Variants in RAD51B observed in about 807,000 individuals in gnomAD.
The protein encoded by RAD51B is DNA repair protein RAD51 homolog 2.
RAD51B carries 38 observed loss-of-function variants against 42.2 expected under a neutral mutation model. The ratio of observed to expected loss-of-function variants is 0.90; its 90% confidence interval spans 0.70 to 1.18. The LOEUF is 1.18. Among genes scored for constraint, RAD51B ranks in the 50% most tolerant of loss-of-function variants. The probability of loss-of-function intolerance (pLI) is 0.00; values close to 1 mark genes in which losing one functional copy is unlikely to be tolerated. For synonymous variants in RAD51B, 154 were observed against 145.2 expected (o/e 1.06, Z -0.43); for missense variants, 373 against 400.7 (o/e 0.93, Z 0.59).
chr14:68,628,571 C>G (rs2145155), intron 10 of RAD51B: 137,487 of 152,242 alleles, frequency 0.9, 62,300 homozygotes, highest in East Asian at 0.98. Context: ...CGCGGCACAA[C>G]GGCGCATTGT....
intron 9 of RAD51B, among the ~76,000 whole-genome samples, chr14:68,414,123 A>G (rs73276270): frequency 0.063 from 9,550 of 152,208 alleles, 612 homozygotes; most frequent in African/African-American, 0.16. Flanking sequence ...AAGCCGATTA[A>G]CCCAAGAGCT....
At chr14:68,454,426 G>GA (rs35851761) in intron 9 of RAD51B, among the ~76,000 whole-genome samples, 2 of 151,750 alleles carry the variant, frequency 1.3e-5, no homozygotes, top group Admixed American at 6.6e-5. Flanking sequence ...GTTTATTTGA[G>GA]AAAAAAAACA....
At chr14:68,298,367 G>A (rs958539695) in intron 8 of RAD51B, among the ~76,000 whole-genome samples, 8 of 152,198 alleles carry the variant, frequency 5.3e-5, no homozygotes, top group Non-Finnish European at 7.3e-5. Context: ...CCACCAGGAA[G>A]TGCTTCTTGG....
chr14:67,897,752 T>C (rs1227811103), intron 7 of RAD51B, among the ~76,000 whole-genome samples: 1 of 151,826 alleles, frequency 6.6e-6, no homozygotes, highest in Admixed American at 6.6e-5. Flanking sequence ...TGGGTTCAAG[T>C]GATTTTCCTG....
intron 10 of RAD51B, among the ~76,000 whole-genome samples, chr14:68,643,501 G>A (rs1219187200): frequency 6.6e-6 from 1 of 152,172 alleles, no homozygotes. Flanking sequence ...GTGGTGGGGG[G>A]ATAAAGATCC....
At chr14:68,495,599 G>A (rs528861363) in intron 10 of RAD51B, among the ~76,000 whole-genome samples, 6 of 151,610 alleles carry the variant, frequency 4.0e-5, no homozygotes, top group African/African-American at 7.2e-5. Context: ...GCTGCCAAGC[G>A]CGTAGAAGTG....
chr14:68,578,968 T>C (rs1890092668), intron 10 of RAD51B, among the ~76,000 whole-genome samples: 1 of 152,190 alleles, frequency 6.6e-6, no homozygotes, highest in Non-Finnish European at 1.5e-5. Flanking sequence ...GCCTTACCCA[T>C]CCACCCTTAG....
intron 7 of RAD51B, among the ~76,000 whole-genome samples, chr14:68,287,752 G>A (rs1327406148): frequency 6.6e-6 from 1 of 152,198 alleles, no homozygotes; most frequent in Non-Finnish European, 1.5e-5. Context: ...AATCAGGCAT[G>A]GGTTTTATAG....
chr14:68,553,805 G>C (rs942308215), intron 10 of RAD51B, among the ~76,000 whole-genome samples: 1 of 152,136 alleles, frequency 6.6e-6, no homozygotes, highest in Non-Finnish European at 1.5e-5. Context: ...GGGCTGGTGA[G>C]AGCCTCATGA....
intron 8 of RAD51B, among the ~76,000 whole-genome samples, chr14:68,313,954 G>A (rs901566983): frequency 1.3e-5 from 2 of 152,140 alleles, no homozygotes; most frequent in African/African-American, 4.8e-5. Flanking sequence ...GCCTCTGATT[G>A]CCATAGCCTC....
chr14:68,577,219 G>C (rs967422439), intron 10 of RAD51B, among the ~76,000 whole-genome samples: 1 of 152,156 alleles, frequency 6.6e-6, no homozygotes, highest in African/African-American at 2.4e-5. Flanking sequence ...ACATGGGTCC[G>C]GGAGAGAGTT....
intron 3 of RAD51B, among the ~76,000 whole-genome samples, chr14:67,826,937 C>T (rs904915761): frequency 6.6e-6 from 1 of 152,272 alleles, no homozygotes; most frequent in Middle Eastern, 3.4e-3. Flanking sequence ...CCCGCCTCGG[C>T]CTCCCCAAGT....
intron 10 of RAD51B, chr14:68,470,480 T>G (rs1168500876): frequency 4.1e-6 from 2 of 483,470 alleles, no homozygotes; most frequent in African/African-American, 2.0e-5. Context: ...ACCTTCAGCT[T>G]TGGTATGATC....
intron 7 of RAD51B, among the ~76,000 whole-genome samples, chr14:67,891,688 TTATGCC>T (rs2043224425): frequency 6.6e-6 from 1 of 152,066 alleles, no homozygotes; most frequent in African/African-American, 2.4e-5. Context: ...AGCTGTTCCA[TTATGCC>T]AAGTGGGTTT....
chr14:68,240,072 G>A (rs992348604), intron 7 of RAD51B, among the ~76,000 whole-genome samples: 3 of 152,302 alleles, frequency 2.0e-5, no homozygotes, highest in Non-Finnish European at 4.4e-5. Context: ...TCCAGGAGCC[G>A]CAGCCTCACT....
intron 7 of RAD51B, among the ~76,000 whole-genome samples, chr14:67,967,054 A>G (rs556634361): frequency 5.3e-4 from 81 of 152,306 alleles, no homozygotes; most frequent in Admixed American, 2.4e-3. Context: ...CCTCAGAATC[A>G]TGGTGGGAGG....
At chr14:68,589,400 G>A (rs1890637796) in intron 10 of RAD51B, among the ~76,000 whole-genome samples, 1 of 152,018 alleles carries the variant, frequency 6.6e-6, no homozygotes, top group African/African-American at 2.4e-5. Flanking sequence ...GTTGAGACAT[G>A]TGGCTCACCA....
chr14:68,601,230 T>TG (rs1025336268), intron 10 of RAD51B, among the ~76,000 whole-genome samples: 2 of 150,778 alleles, frequency 1.3e-5, no homozygotes, highest in Admixed American at 6.6e-5. Flanking sequence ...CACCAGTAAC[T>TG]TTTTTTTTGG....
rs184107580 is a variant in RAD51B at position 68,285,147 on chromosome 14, G to T, written c.757-6737G>T. 9.8e-5 allele frequency among the ~76,000 whole-genome samples: 15 copies of T among 152,296 alleles called. No individual in the cohort carries two copies. In the East Asian group the frequency reaches 2.9e-3, roughly 29 times the overall value. ...CTCCAGGCCTTTCTCTCAAACCTTA[G>T]TGATGAAAGGACTCAATGGACCTGA... is the stretch of plus-strand genomic sequence containing the variant. On this transcript the variant is annotated intron_variant, in intron 7 of 10. Transcript: ENST00000471583.
Sources: gnomAD v4.1 joint callset for allele counts (sites outside exome capture counted in the v4.1 genomes callset) on GRCh38, gnomAD v4.1.1 for gene constraint, MANE v1.5 for transcripts, NCBI Gene and HGNC (gene_info 2026-07-23, HGNC 2026-07-21) for gene names.